UTRN: variants seen among roughly 807,000 people sequenced by gnomAD.
UTRN encodes dystrophin-related protein 1.
In UTRN, 283 loss-of-function variants were observed where a neutral mutation model predicts 463.9. That is an observed-to-expected ratio of 0.61 (90% confidence interval 0.55 to 0.67). UTRN has a LOEUF of 0.67. UTRN is among the 30% of genes least tolerant of loss of function. The probability of loss-of-function intolerance (pLI) is 0.00; values close to 1 mark genes in which losing one functional copy is unlikely to be tolerated. For synonymous variants in UTRN, 1,442 were observed against 1,431.5 expected, an observed-to-expected ratio of 1.01 and a Z score of -0.17; for missense variants, 3,922 against 4,084.3, an observed-to-expected ratio of 0.96 and a Z score of 1.08.
intron 9 of UTRN, among the ~76,000 whole-genome samples, chr6:144,430,901 C>T (rs746645496): frequency 1.3e-5 from 2 of 151,556 alleles, no homozygotes; most frequent in Non-Finnish European, 2.9e-5. Context: ...TTATTTCCCC[C>T]GTTTCAAAAA....
intron 51 of UTRN, among the ~76,000 whole-genome samples, chr6:144,638,051 G>A (rs935577131): frequency 6.6e-6 from 1 of 152,144 alleles, no homozygotes; most frequent in African/African-American, 2.4e-5. Context: ...GTGTTTGGTA[G>A]CTCTAGATAT....
chr6:144,427,797 C>A (rs1785425776), intron 7 of UTRN, among the ~76,000 whole-genome samples: 1 of 152,038 alleles, frequency 6.6e-6, no homozygotes. Context: ...GTGTGGGGTG[C>A]CTTTTATGTG....
At chr6:144,573,459 C>T (rs1339782953) in intron 50 of UTRN, among the ~76,000 whole-genome samples, 4 of 151,678 alleles carry the variant, frequency 2.6e-5, no homozygotes, top group East Asian at 1.9e-4. Flanking sequence ...TTTGGGAGGC[C>T]GAGGCGGGCC....
intron 53 of UTRN, among the ~76,000 whole-genome samples, chr6:144,715,771 CT>C (rs1177928009): frequency 2.4e-3 from 304 of 124,574 alleles, no homozygotes; most frequent in Middle Eastern, 4.1e-3. Context: ...TTTTCTATGT[CT>C]TTTTTTTTTT....
At chr6:144,561,250 TATATATATATACATAC>T (rs1328781481) in intron 50 of UTRN, among the ~76,000 whole-genome samples, 31 of 51,824 alleles carry the variant, frequency 6.0e-4, no homozygotes, top group Admixed American at 1.5e-3. Flanking sequence ...TATATATATA[TATATATATATACATAC>T]ACACACACAC....
chr6:144,514,021 A>T lies in UTRN; in HGVS notation c.5057A>T (p.Gln1686Leu), dbSNP rs768917553. 6.2e-7 allele frequency: 1 copy of T among 1,613,998 alleles called. No individual in the cohort carries two copies. The highest frequency in any genetic ancestry group is 1.3e-5 in the African/African-American group (1 of 75,070). ...DEIEKKPTSK[Q>L]EEIVKRLVSE... is the part of the protein sequence containing the mutation. ...ATTGAAAAGAAACCAACAAGTAAAC[A>T]GGAAGAAATTGTGAAGGTAGCAAAC... Residue 1686 changes from glutamine (Q) to leucine (L), a missense_variant, in exon 36 of 75, where the codon CAG becomes CTG. By Grantham distance (113) the Gln-to-Leu change is moderately radical (BLOSUM62 -2). This residue lies in a region of UTRN where 2,349 missense variants were observed against 2,303.8 expected (regional missense o/e 1.02). Coordinates refer to ENST00000367545, the MANE Select transcript of UTRN (RefSeq NM_007124.3).
intron 63 of UTRN, among the ~76,000 whole-genome samples, chr6:144,797,054 G>A (rs141788033): frequency 2.6e-5 from 4 of 152,150 alleles, no homozygotes; most frequent in African/African-American, 7.2e-5. Flanking sequence ...ATAGCAATAT[G>A]CTTTCTGTGT....
intron 51 of UTRN, among the ~76,000 whole-genome samples, chr6:144,643,154 A>AG (rs1044636183): frequency 6.6e-6 from 1 of 152,186 alleles, no homozygotes; most frequent in African/African-American, 2.4e-5. Context: ...CTAAACTTAA[A>AG]GGTACTGGGT....
intron 35 of UTRN, among the ~76,000 whole-genome samples, chr6:144,512,868 T>C (rs541679556): frequency 6.6e-6 from 1 of 152,334 alleles, no homozygotes; most frequent in East Asian, 1.9e-4. Context: ...CTATGTTTCA[T>C]ATTATAGATT....
intron 2 of UTRN, among the ~76,000 whole-genome samples, chr6:144,376,178 C>T (rs190581132): frequency 5.3e-5 from 8 of 152,042 alleles, no homozygotes; most frequent in South Asian, 4.2e-4. Flanking sequence ...TTTTTTGGGT[C>T]GGGCCGGGTG....
At chr6:144,474,064 C>T (rs1180955769) in intron 24 of UTRN, among the ~76,000 whole-genome samples, 2 of 151,818 alleles carry the variant, frequency 1.3e-5, no homozygotes, top group African/African-American at 4.8e-5. Context: ...GAATAGAGAA[C>T]AAGAACAATT....
At chr6:144,768,134 T>C (rs1793567857) in intron 58 of UTRN, among the ~76,000 whole-genome samples, 1 of 152,234 alleles carries the variant, frequency 6.6e-6, no homozygotes, top group South Asian at 2.1e-4. Context: ...TGTTGGTTCA[T>C]TGTGTTACAT....
chr6:144,426,528 C>T lies in UTRN; in HGVS notation c.578+69C>T, dbSNP rs977147841. 5.5e-6 allele frequency: 8 copies of T among 1,464,590 alleles called. No individual in the cohort carries two copies. The Admixed American group carries it at 1.3e-4, about 23-fold the overall frequency. 90.7% of individuals were successfully genotyped at this position (1,464,590 alleles called of 1,614,324 possible). ...TCTCCTCTCTGTCCCTTTGCTGCCA[C>T]CACTACTCCCTGAAGCCCCTTCTCC... On this transcript the variant is annotated intron_variant, in intron 7 of 74. Transcript: ENST00000367545.
At chr6:144,351,235 T>G (rs567363507) in intron 2 of UTRN, among the ~76,000 whole-genome samples, 63 of 152,286 alleles carry the variant, frequency 4.1e-4, no homozygotes, top group African/African-American at 1.5e-3. Flanking sequence ...TTATAATAAA[T>G]GGTGTCTGTT....
chr6:144,556,758 C>T (rs922486399), intron 49 of UTRN, among the ~76,000 whole-genome samples: 10 of 152,100 alleles, frequency 6.6e-5, no homozygotes, highest in South Asian at 2.1e-4. Flanking sequence ...GGAAGACGTC[C>T]ATGTTGTTGA....
At chr6:144,379,508 T>C (rs1281285710) in intron 2 of UTRN, among the ~76,000 whole-genome samples, 2 of 152,152 alleles carry the variant, frequency 1.3e-5, no homozygotes, top group African/African-American at 4.8e-5. Flanking sequence ...CTCTCTAGGG[T>C]GCTTGAGTGT....
intron 2 of UTRN, among the ~76,000 whole-genome samples, chr6:144,343,166 A>G (rs1016790860): frequency 6.6e-6 from 1 of 152,186 alleles, no homozygotes; most frequent in African/African-American, 2.4e-5. Context: ...TATTCTATGA[A>G]AAGTCTTTGC....
At chr6:144,670,138 G>T (rs767273645) in intron 51 of UTRN, among the ~76,000 whole-genome samples, 8 of 152,038 alleles carry the variant, frequency 5.3e-5, no homozygotes, top group Non-Finnish European at 1.2e-4. Context: ...CTTCTGGGAA[G>T]ATACCCAAGT....
At chr6:144,741,234 A>G (rs775097881) in intron 54 of UTRN, among the ~76,000 whole-genome samples, 1 of 152,204 alleles carries the variant, frequency 6.6e-6, no homozygotes, top group Admixed American at 6.5e-5. Flanking sequence ...ATGGCAGAGC[A>G]TGGGTAGAAA....
Sources: allele counts gnomAD v4.1 joint callset (sites outside exome capture counted in the v4.1 genomes callset), GRCh38; gene constraint gnomAD v4.1.1; regional missense constraint gnomAD v4.1.1; transcripts MANE v1.5; gene names NCBI Gene and HGNC (gene_info 2026-07-23, HGNC 2026-07-21).